The following ZMYND11 variants were observed in gnomAD, a reference collection of about 807,000 sequenced individuals.
ZMYND11 encodes zinc finger MYND-type containing 11.
Under a neutral mutation model 84.9 loss-of-function variants are expected in ZMYND11, and 9 were observed. The observed-to-expected ratio is 0.11, with a 90% CI of 0.06 to 0.18. ZMYND11 has a LOEUF of 0.18. Ranked by LOEUF, ZMYND11 falls within the 10% of genes least tolerant of loss-of-function variation. The pLI is 1.00. For synonymous variants in ZMYND11, 250 were observed against 244.1 expected (o/e 1.02, Z -0.23); for missense variants, 409 against 761.0 (o/e 0.54, Z 5.44).
intron 2 of ZMYND11, among the ~76,000 whole-genome samples, chr10:201,752 G>C (rs1265610786): frequency 1.3e-5 from 2 of 152,148 alleles, no homozygotes; most frequent in African/African-American, 4.8e-5. Flanking sequence ...TGGGGTGCCA[G>C]ATGGTGGAAA....
chr10:185,183 G>A (rs1466316771), intron 2 of ZMYND11, among the ~76,000 whole-genome samples: 2 of 152,026 alleles, frequency 1.3e-5, no homozygotes, highest in East Asian at 1.9e-4. Flanking sequence ...GCTTTCCAGC[G>A]AGTCTTTGTT....
At chr10:132,781 A>G (rs138154556), upstream of ZMYND11, among the ~76,000 whole-genome samples, 608 of 152,326 alleles carry the variant, frequency 4.0e-3, 10 homozygotes, top group African/African-American at 0.014. Context: ...AAAATAGAGC[A>G]GTGCTGTCTG....
chr10:213,255 A>G (rs1945577966), intron 3 of ZMYND11, among the ~76,000 whole-genome samples: 2 of 152,336 alleles, frequency 1.3e-5, no homozygotes, highest in Admixed American at 6.5e-5. Flanking sequence ...TACAACAACA[A>G]GAGTGTCTTA....
At chr10:131,374 G>A (rs73579599), upstream of ZMYND11, among the ~76,000 whole-genome samples, 1,251 of 152,334 alleles carry the variant, frequency 8.2e-3, 24 homozygotes, top group African/African-American at 0.028. Flanking sequence ...ATGGAGCCCT[G>A]AAGAGATGCC....
chr10:179,711 C>T (rs1201692225), intron 1 of ZMYND11, among the ~76,000 whole-genome samples: 2 of 152,092 alleles, frequency 1.3e-5, no homozygotes, highest in South Asian at 2.1e-4. Flanking sequence ...AACTTAAATG[C>T]ATTTTCTGAA....
chr10:188,104 G>A (rs1307032897), intron 2 of ZMYND11, among the ~76,000 whole-genome samples: 1 of 152,032 alleles, frequency 6.6e-6, no homozygotes, highest in Non-Finnish European at 1.5e-5. Flanking sequence ...TCAGTTTTGT[G>A]TAATTTGAAT....
chr10:157,327 G>C (rs1491003513), intron 1 of ZMYND11, among the ~76,000 whole-genome samples: 2 of 152,062 alleles, frequency 1.3e-5, no homozygotes, highest in African/African-American at 2.4e-5. Context: ...AGCCTTCCAA[G>C]TGGCTTGGAT....
chr10:158,329 C>G (rs1214256784), intron 1 of ZMYND11, among the ~76,000 whole-genome samples: 4 of 151,992 alleles, frequency 2.6e-5, no homozygotes, highest in African/African-American at 9.7e-5. Flanking sequence ...CACCATTTTA[C>G]ATTACCACCA....
chr10:140,998 CTGTT>C (rs1263448574), intron 1 of ZMYND11, among the ~76,000 whole-genome samples: 6 of 152,168 alleles, frequency 3.9e-5, no homozygotes, highest in South Asian at 4.1e-4. Context: ...ACTCTTCGAT[CTGTT>C]TGTTTTTCAG....
At chr10:132,606 A>T (rs1275004111), upstream of ZMYND11, among the ~76,000 whole-genome samples, 3 of 152,232 alleles carry the variant, frequency 2.0e-5, no homozygotes, top group African/African-American at 4.8e-5. Flanking sequence ...TATTACAGTT[A>T]CAGTTAACAT....
chr10:246,659 T>C, intron 10 of ZMYND11, 107 bp from the exon 11 acceptor site: 1 of 1,045,458 alleles, frequency 9.6e-7, no homozygotes, highest in Non-Finnish European at 1.4e-6. Flanking sequence ...AGACGAGAAC[T>C]GCCACAGGTC....
intron 4 of ZMYND11, among the ~76,000 whole-genome samples, chr10:233,181 G>C (rs908265900): frequency 6.6e-6 from 1 of 151,962 alleles, no homozygotes; most frequent in Non-Finnish European, 1.5e-5. Context: ...AGAATTTCTG[G>C]GGGCGGCACC....
chr10:138,981 C>T (rs900024034), intron 1 of ZMYND11, among the ~76,000 whole-genome samples: 4 of 152,070 alleles, frequency 2.6e-5, no homozygotes, highest in Non-Finnish European at 5.9e-5. Flanking sequence ...TATAGGCGCC[C>T]GCCACTGTGC....
intron 1 of ZMYND11, among the ~76,000 whole-genome samples, chr10:139,325 G>C (rs888583297): frequency 6.6e-6 from 1 of 152,090 alleles, no homozygotes; most frequent in Non-Finnish European, 1.5e-5. Context: ...AGGAAAACTG[G>C]TGTTTTCTCT....
rs1374892816 is a variant in ZMYND11 at position 247,040 on chromosome 10, A to G, written c.1158+67A>G. On this transcript the variant is annotated intron_variant, in intron 11 of 14. Transcript: ENST00000381604. Reference sequence around the variant, plus strand: ...TTTAAATGCAGAAATCTTAGTGCACACTCCTCACTGTAATGAACAGATTTT... The same window carrying G: ...TTTAAATGCAGAAATCTTAGTGCACGCTCCTCACTGTAATGAACAGATTTT... 4 of 1,409,698 alleles carry G rather than the reference A, an allele frequency of 2.8e-6. No homozygotes were observed. The African/African-American group carries it at 5.7e-5, about 20-fold the overall frequency. The allele number at this position is 1,409,698 out of a possible 1,614,324, so 87.3% of individuals were successfully genotyped here. A position where few individuals can be genotyped will look rare whatever the true frequency, so the allele number is the denominator to read the frequency against.
At chr10:238,651 C>T (rs553747557) in intron 6 of ZMYND11, among the ~76,000 whole-genome samples, 23 of 152,260 alleles carry the variant, frequency 1.5e-4, no homozygotes, top group South Asian at 1.0e-3. Flanking sequence ...CCACCGCGCC[C>T]GGCCACAAGT....
At position 236,944 on chromosome 10, in the gene ZMYND11, A is replaced by G. The variant is rs758220833; in HGVS notation, c.516+29A>G. ...AGTCCTGCTCAGGGAATCTTTCAAAATATCCCAAAACACATTTTACTATGG... is the reference window on the plus strand; with the variant it reads ...AGTCCTGCTCAGGGAATCTTTCAAAGTATCCCAAAACACATTTTACTATGG... On this transcript the variant is annotated intron_variant, in intron 5 of 14. Coordinates refer to ENST00000381604, the MANE Select transcript of ZMYND11 (RefSeq NM_001370100.5). The G allele has an allele frequency of 2.5e-6, 4 of 1,590,174 alleles. No individual in the cohort carries two copies. In the South Asian group the frequency reaches 4.5e-5, roughly 18 times the overall value.
At chr10:152,942 A>G (rs1196188853) in intron 1 of ZMYND11, among the ~76,000 whole-genome samples, 3 of 152,234 alleles carry the variant, frequency 2.0e-5, no homozygotes, top group Non-Finnish European at 4.4e-5. Context: ...GAAACTGAAC[A>G]ACCTGCTCCT....
chr10:172,377 C>T (rs1318524307), intron 1 of ZMYND11, among the ~76,000 whole-genome samples: 27 of 152,116 alleles, frequency 1.8e-4, no homozygotes, highest in African/African-American at 5.8e-4. Context: ...CAAAAACACC[C>T]TGGAACTACT....
Sources: allele counts gnomAD v4.1 joint callset (sites outside exome capture counted in the v4.1 genomes callset), GRCh38; gene constraint gnomAD v4.1.1; transcripts MANE v1.5; gene names NCBI Gene and HGNC (gene_info 2026-07-23, HGNC 2026-07-21).